The following TMTC4 variants were observed in gnomAD, a reference collection of about 807,000 sequenced individuals.
TMTC4 encodes the protein protein O-mannosyl-transferase TMTC4.
A neutral mutation model predicts 86.0 loss-of-function variants in TMTC4; 65 were observed. The ratio of observed to expected loss-of-function variants is 0.76; its 90% CI spans 0.62 to 0.93. The LOEUF (loss-of-function observed/expected upper bound fraction) is 0.93, where lower values mean the gene tolerates loss of function less well. TMTC4 is among the 40% of genes least tolerant of loss of function. TMTC4 has a pLI of 0.00. For synonymous variants in TMTC4, 379 were observed against 382.5 expected, an observed-to-expected ratio of 0.99 and a Z score of 0.11; for missense variants, 866 against 948.1, an observed-to-expected ratio of 0.91 and a Z score of 1.14.
intron 5 of TMTC4, among the ~76,000 whole-genome samples, chr13:100,662,076 G>A (rs1004172401): frequency 6.6e-6 from 1 of 151,924 alleles, no homozygotes; most frequent in Non-Finnish European, 1.5e-5. Flanking sequence ...AACACACAGA[G>A]GCAGCGCGAT....
intron 6 of TMTC4, among the ~76,000 whole-genome samples, chr13:100,654,487 T>C (rs1207623886): frequency 6.6e-6 from 1 of 152,178 alleles, no homozygotes; most frequent in Admixed American, 6.5e-5. Flanking sequence ...TACCTTTAAC[T>C]TTGGTGTTGG....
At position 100,632,053 on chromosome 13, in the gene TMTC4, A is replaced by ACACACTCTCTCTCTCTCTCT. The variant is rs1296569630; in HGVS notation, c.1506+2751_1506+2752insAGAGAGAGAGAGAGAGTGTG. 1.7e-3 allele frequency among the ~76,000 whole-genome samples: 73 copies of ACACACTCTCTCTCTCTCTCT among 43,092 alleles called. 1 individual carries two copies. The highest frequency in any genetic ancestry group is 0.016 in the Middle Eastern group (1 of 62). 28.3% of individuals were successfully genotyped at this position (43,092 alleles called of 152,430 possible). On this transcript the variant is annotated intron_variant, in intron 12 of 18. Coordinates refer to ENST00000342624, the MANE Select transcript of TMTC4 (RefSeq NM_032813.5). ...CACACACACACACACACACACACAC[A>ACACACTCTCTCTCTCTCTCT]CTCTCTCTCTCTCTCTCTCTCTCTC... is the stretch of plus-strand genomic sequence containing the variant.
chr13:100,654,115 C>T (rs963784272), intron 6 of TMTC4, among the ~76,000 whole-genome samples: 1 of 152,208 alleles, frequency 6.6e-6, no homozygotes, highest in African/African-American at 2.4e-5. Flanking sequence ...AAGCATTCTT[C>T]AAAGGCTTCC....
At chr13:100,652,242 G>C (rs1884553335) in intron 6 of TMTC4, among the ~76,000 whole-genome samples, 1 of 152,202 alleles carries the variant, frequency 6.6e-6, no homozygotes, top group South Asian at 2.1e-4. Context: ...ACTTTGGGAG[G>C]CCGAGGTGGG....
intron 1 of TMTC4, chr13:100,674,462 G>A (rs1432863898): frequency 2.2e-6 from 2 of 913,078 alleles, no homozygotes; most frequent in African/African-American, 1.8e-5. Context: ...CTCTGCCCGG[G>A]CGGAGAAGCT....
At position 100,612,402 on chromosome 13, in the gene TMTC4, T is replaced by C; in HGVS notation, c.2060A>G (p.Tyr687Cys). Residue 687 changes from tyrosine (Y) to cysteine (C), a missense_variant, in exon 17 of 19, where the codon TAC becomes TGC. Coordinates refer to ENST00000342624, the MANE Select transcript of TMTC4 (RefSeq NM_032813.5). ...LANVLGKSQK[Y>C]KESEALFLKA... Reference sequence around the variant, plus strand: ...CACAGCCTGCGGTTTACGCACCTTGTATTTCTGGGATTTCCCCAGCACGTT... The same window carrying C: ...CACAGCCTGCGGTTTACGCACCTTGCATTTCTGGGATTTCCCCAGCACGTT... The C allele has an allele frequency of 6.2e-7, 1 of 1,608,140 alleles. No individual in the cohort carries two copies. The highest frequency in any genetic ancestry group is 8.5e-7 in the Non-Finnish European group (1 of 1,178,034).
At chr13:100,670,207 G>T in intron 2 of TMTC4, 153 bp downstream of exon 2, 1 of 712,552 alleles carries the variant, frequency 1.4e-6, no homozygotes, top group Non-Finnish European at 2.2e-6. Flanking sequence ...AAGGCAGTTT[G>T]GATGTATTTG....
chr13:100,636,826 G>T, intron 9 of TMTC4, 92 bp from the exon 10 acceptor site: 1 of 1,310,626 alleles, frequency 7.6e-7, no homozygotes. Flanking sequence ...GCACTCATAT[G>T]CTTCTGCTCA....
At chr13:100,641,628 T>C (rs1407754804) in intron 7 of TMTC4, among the ~76,000 whole-genome samples, 3 of 152,138 alleles carry the variant, frequency 2.0e-5, no homozygotes, top group Non-Finnish European at 2.9e-5. Context: ...GCTGGGATTA[T>C]AGGCATGCAC....
At chr13:100,670,294 G>A in intron 2 of TMTC4, 66 bp downstream of exon 2, 9 of 1,565,932 alleles carry the variant, frequency 5.7e-6, no homozygotes, top group Non-Finnish European at 6.9e-6. Flanking sequence ...TGAAGTCACA[G>A]GCATCTTTCT....
chr13:100,659,428 T>C (rs1034536158), intron 5 of TMTC4, among the ~76,000 whole-genome samples: 7 of 152,104 alleles, frequency 4.6e-5, no homozygotes, highest in Non-Finnish European at 1.0e-4. Context: ...CCACCACACC[T>C]GGCTACAGGC....
At chr13:100,632,400 T>C (rs931986809) in intron 12 of TMTC4, among the ~76,000 whole-genome samples, 5 of 152,210 alleles carry the variant, frequency 3.3e-5, no homozygotes, top group South Asian at 2.1e-4. Context: ...AGATGAATTA[T>C]AGAGCCTCTG....
chr13:100,662,012 C>T (rs924023990), intron 5 of TMTC4, among the ~76,000 whole-genome samples: 1 of 151,998 alleles, frequency 6.6e-6, no homozygotes, highest in East Asian at 2.0e-4. Context: ...GTGCAGGGGG[C>T]GGTTCCTGAC....
intron 1 of TMTC4, among the ~76,000 whole-genome samples, chr13:100,672,210 T>C (rs1460500724): frequency 1.3e-5 from 2 of 152,240 alleles, no homozygotes; most frequent in African/African-American, 2.4e-5. Flanking sequence ...TGTTTATTCC[T>C]GCAGATGGGC....
Position 100,626,113 on chromosome 13 carries a change from C to A in TMTC4, c.1544G>T (p.Gly515Val). 6.2e-7 allele frequency: 1 copy of A among 1,614,184 alleles called. No homozygotes were observed. Among genetic ancestry groups the A allele is most frequent in the South Asian group, 1.1e-5 (1 of 91,078 alleles). Residue 515 changes from glycine to valine, a missense_variant, in exon 13 of 19, where the codon GGC becomes GTC. Gly to Val is a moderately radical substitution (Grantham distance 109, BLOSUM62 -3). Transcript: ENST00000342624. ...YNIGKNLADKGNQTAAIRYYR... is the reference protein window; with the variant it reads ...YNIGKNLADKVNQTAAIRYYR... ...GTATCTGATGGCAGCTGTCTGGTTG[C>A]CTTTATCAGCCAGGTTTTTGCCAAT...
chr13:100,644,985 T>C (rs1883531995), intron 6 of TMTC4, among the ~76,000 whole-genome samples: 1 of 152,174 alleles, frequency 6.6e-6, no homozygotes, highest in African/African-American at 2.4e-5. Flanking sequence ...CAGCTAATTT[T>C]TGTATTTTTA....
intron 5 of TMTC4, among the ~76,000 whole-genome samples, chr13:100,659,547 C>A (rs1199387247): frequency 2.0e-5 from 3 of 152,086 alleles, no homozygotes; most frequent in African/African-American, 7.2e-5. Context: ...ACACAAGCCA[C>A]TTCTGTCCTC....
chr13:100,623,848 G>T, intron 15 of TMTC4: 2 of 467,824 alleles, frequency 4.3e-6, no homozygotes, highest in Non-Finnish European at 4.3e-6. Flanking sequence ...CCAGATGACA[G>T]CACTGTTTTC....
At chr13:100,669,183 CATT>C (rs1456750872) in intron 2 of TMTC4, among the ~76,000 whole-genome samples, 2 of 152,128 alleles carry the variant, frequency 1.3e-5, no homozygotes, top group African/African-American at 2.4e-5. Flanking sequence ...AATAAATAGT[CATT>C]GTTGGGTTTT....
Sources: gnomAD v4.1 joint callset for allele counts (sites outside exome capture counted in the v4.1 genomes callset) on GRCh38, gnomAD v4.1.1 for gene constraint, MANE v1.5 for transcripts, NCBI Gene and HGNC (gene_info 2026-07-23, HGNC 2026-07-21) for gene names.